The following CFAP97 variants were observed in gnomAD, a reference collection of about 807,000 sequenced individuals.
CFAP97 encodes the protein cilia and flagella associated protein 97, also known as cilia- and flagella-associated protein 97.
In CFAP97, 36 loss-of-function variants were observed where a neutral mutation model predicts 43.1. The observed-to-expected ratio is 0.84, with a 90% CI of 0.64 to 1.10. CFAP97 has a LOEUF of 1.10. CFAP97 is among the 50% of genes least tolerant of loss of function. The probability of loss-of-function intolerance (pLI) is 0.00; values close to 1 mark genes in which losing one functional copy is unlikely to be tolerated. For synonymous variants in CFAP97, 228 were observed against 225.7 expected (o/e 1.01, Z -0.09); for missense variants, 657 against 620.3 (o/e 1.06, Z -0.63).
chr4:185,172,850 CAAAAAAAAA>C (rs1159858914), intron 3 of CFAP97, among the ~76,000 whole-genome samples: 2 of 52,752 alleles, frequency 3.8e-5, no homozygotes, highest in African/African-American at 1.2e-4. Flanking sequence ...CCCATCTCTA[CAAAAAAAAA>C]AAAAAAAAAA....
chr4:185,204,636 A>G (rs1331222974), upstream of CFAP97, among the ~76,000 whole-genome samples: 1 of 152,234 alleles, frequency 6.6e-6, no homozygotes, highest in Non-Finnish European at 1.5e-5. Flanking sequence ...GACAGGATTT[A>G]GCTGATGTGA....
chr4:185,171,797 AGT>A (rs1370806506), intron 3 of CFAP97, among the ~76,000 whole-genome samples: 1 of 152,132 alleles, frequency 6.6e-6, no homozygotes, highest in Non-Finnish European at 1.5e-5. Context: ...GCAGAGGTGG[AGT>A]GATCACGGCT....
intron 3 of CFAP97, among the ~76,000 whole-genome samples, chr4:185,175,536 A>C (rs1043455656): frequency 6.6e-6 from 1 of 152,192 alleles, no homozygotes; most frequent in Non-Finnish European, 1.5e-5. Flanking sequence ...TCGGCCTCCC[A>C]GAGTGCTAGA....
At position 185,161,714 on chromosome 4, in the gene CFAP97, G is replaced by T. The variant is rs1027511162; in HGVS notation, c.*1084C>A. On this transcript the variant is annotated 3_prime_UTR_variant, in exon 5 of 5. Coordinates refer to ENST00000458385, the MANE Select transcript of CFAP97 (RefSeq NM_020827.3). ...GACTGGTAAAAATAATACTTCCAGG[G>T]TTCAATCAAATAAATCAAAGTAAAC... The T allele has an allele frequency of 6.6e-6, 1 of 152,130 alleles. No individual in the cohort carries two copies. The highest frequency in any genetic ancestry group is 1.5e-5 in the Non-Finnish European group (1 of 68,026). The allele number at this position is 152,130 out of a possible 1,614,324, so 9.4% of individuals were successfully genotyped here. A position where few individuals can be genotyped will look rare whatever the true frequency, so the allele number is the denominator to read the frequency against.
intron 3 of CFAP97, chr4:185,169,883 G>A (rs1458113379): frequency 1.0e-6 from 1 of 986,294 alleles, no homozygotes; most frequent in Admixed American, 6.1e-5. Flanking sequence ...ACCTTAACCA[G>A]ACAAGAAGGA....
Position 185,190,191 on chromosome 4 carries a change from T to C in CFAP97, c.1006A>G (p.Lys336Glu). Reference sequence around the variant, plus strand: ...ATTGTGTCATGTAAGACTTTCTGTTTATGTCTGTGGTCTAAACTGGAGTCT... The same window carrying C: ...ATTGTGTCATGTAAGACTTTCTGTTCATGTCTGTGGTCTAAACTGGAGTCT... ...VLDSSLDHRHKQKVLHDTMDL... is the reference protein window; with the variant it reads ...VLDSSLDHRHEQKVLHDTMDL... Residue 336 changes from lysine (K) to glutamate (E), a missense_variant, in exon 2 of 5, where the codon AAA becomes GAA. Physicochemically the swap from Lys to Glu is moderately conservative, Grantham distance 56. Transcript: ENST00000458385. 6.2e-7 allele frequency: 1 copy of C among 1,604,208 alleles called. No homozygotes were observed. Among genetic ancestry groups the C allele is most frequent in the African/African-American group, 1.3e-5 (1 of 74,324 alleles).
chr4:185,167,658 T>C (rs1028309666), intron 3 of CFAP97, among the ~76,000 whole-genome samples: 2 of 152,254 alleles, frequency 1.3e-5, no homozygotes, highest in African/African-American at 4.8e-5. Flanking sequence ...AATTAAGTGA[T>C]AGAATGCATC....
intron 2 of CFAP97, among the ~76,000 whole-genome samples, chr4:185,177,814 G>A (rs146562007): frequency 0.017 from 2,565 of 152,126 alleles, 28 homozygotes; most frequent in Non-Finnish European, 0.027. Context: ...CAGCCTGGGC[G>A]ACAGAGCAAG....
intron 3 of CFAP97, among the ~76,000 whole-genome samples, chr4:185,171,788 C>T (rs1735313556): frequency 6.6e-6 from 1 of 152,168 alleles, no homozygotes; most frequent in African/African-American, 2.4e-5. Flanking sequence ...ACCCAGGAGG[C>T]AGAGGTGGAG....
rs186296975 is a variant in CFAP97 at position 185,190,865 on chromosome 4, T to A, written c.332A>T (p.Lys111Ile). The A allele has an allele frequency of 5.0e-6, 8 of 1,612,144 alleles. No individual in the cohort carries two copies. The East Asian group carries it at 1.6e-4, about 31-fold the overall frequency. The part of the protein sequence containing the change: ...KKLCDVTTGL[K>I]IHVSIPNRIP... ...TCTATTTGGAATGGACACGTGTATT[T>A]TAAGTCCTGTTGTAACATCACACAA... Residue 111 changes from lysine (K) to isoleucine (I), a missense_variant, in exon 2 of 5, where the codon AAA becomes ATA. Coordinates refer to ENST00000458385, the MANE Select transcript of CFAP97 (RefSeq NM_020827.3).
At chr4:185,169,930 C>T (rs1253531248) in intron 3 of CFAP97, 1 of 1,000,110 alleles carries the variant, frequency 1.0e-6, no homozygotes. Context: ...ATTTCAAGAT[C>T]TTAGAACAAA....
chr4:185,188,702 T>C (rs955005455), intron 2 of CFAP97, among the ~76,000 whole-genome samples: 3 of 118,156 alleles, frequency 2.5e-5, no homozygotes, highest in African/African-American at 8.1e-5. Flanking sequence ...AGGATTGATT[T>C]ACTTTTTTTT....
At chr4:185,195,970 G>GA (rs1553974670) in intron 1 of CFAP97, among the ~76,000 whole-genome samples, 3 of 152,130 alleles carry the variant, frequency 2.0e-5, no homozygotes, top group Non-Finnish European at 4.4e-5. Flanking sequence ...TGTGGTTGTT[G>GA]TTTTTTCCTT....
intron 2 of CFAP97, among the ~76,000 whole-genome samples, chr4:185,177,601 G>A (rs1229860167): frequency 6.6e-6 from 1 of 152,178 alleles, no homozygotes; most frequent in African/African-American, 2.4e-5. Context: ...CTGGAAGGCA[G>A]GGATGGGTAG....
intron 1 of CFAP97, among the ~76,000 whole-genome samples, chr4:185,199,716 A>C (rs1434203978): frequency 6.6e-6 from 1 of 152,204 alleles, no homozygotes; most frequent in Non-Finnish European, 1.5e-5. Flanking sequence ...GAATTATGCT[A>C]AATCTACTCT....
In CFAP97 at chr4:185,190,814, T is replaced by C. The variant is rs1461320597; in HGVS notation, c.383A>G (p.Glu128Gly). 1.2e-6 allele frequency: 2 copies of C among 1,608,778 alleles called. No homozygotes were observed. The highest frequency in any genetic ancestry group is 3.4e-5 in the Admixed American group (2 of 59,104). ...CTCTCCATCTGTGTAGTAATCATCT[T>C]CACCTTCTTTTACAATTTTGGGAAT... ...NRIPKIVKEG[E>G]DDYYTDGEES... The change falls in exon 2 of 5, where the codon GAA (glutamate) becomes GGA (glycine). Residue 128 changes from glutamate (E) to glycine (G), a missense_variant. Coordinates refer to ENST00000458385, the MANE Select transcript of CFAP97 (RefSeq NM_020827.3).
Position 185,196,586 on chromosome 4 carries a change from C to T in CFAP97, c.-16-5374G>A, listed in dbSNP as rs1020838192. 2.0e-4 allele frequency among the ~76,000 whole-genome samples: 30 copies of T among 152,118 alleles called. 1 individual carries two copies. The highest frequency in any genetic ancestry group is 7.2e-4 in the African/African-American group (30 of 41,404). ...TTGATGTAAAACCAGCTTCACATTCCTGAGAGTCTCAGGCAAGGGTTGGAA... is the reference window on the plus strand; with the variant it reads ...TTGATGTAAAACCAGCTTCACATTCTTGAGAGTCTCAGGCAAGGGTTGGAA... On this transcript the variant is annotated intron_variant, in intron 1 of 4. Coordinates refer to ENST00000458385, the MANE Select transcript of CFAP97 (RefSeq NM_020827.3).
In CFAP97 at chr4:185,175,992, C is replaced by T; in HGVS notation, c.1114G>A (p.Ala372Thr). The change falls in exon 3 of 5, where the codon GCA becomes ACA. Residue 372 changes from alanine (A) to threonine (T), a missense_variant. By Grantham distance (58) the Ala-to-Thr change is moderately conservative. Coordinates refer to ENST00000458385, the MANE Select transcript of CFAP97 (RefSeq NM_020827.3). ...GTGAAAGAGTAGTTTTTCCCGGGTG[C>T]TACTGAAGGCTGATCAAAGTGATGT... Reference protein sequence around the residue: ...QKHHFDQPSVAPGKNYSFTRE... With the variant: ...QKHHFDQPSVTPGKNYSFTRE... 6.2e-7 allele frequency: 1 copy of T among 1,612,654 alleles called. No individual in the cohort carries two copies. Among genetic ancestry groups the T allele is most frequent in the Non-Finnish European group, 8.5e-7 (1 of 1,179,688 alleles).
chr4:185,195,416 G>C (rs1207701389), intron 1 of CFAP97, among the ~76,000 whole-genome samples: 1 of 152,170 alleles, frequency 6.6e-6, no homozygotes, highest in Non-Finnish European at 1.5e-5. Flanking sequence ...ACAGGAGGTT[G>C]ATAATGCAAT....
Sources: allele counts gnomAD v4.1 joint callset (sites outside exome capture counted in the v4.1 genomes callset), GRCh38; gene constraint gnomAD v4.1.1; transcripts MANE v1.5; gene names NCBI Gene and HGNC (gene_info 2026-07-23, HGNC 2026-07-21).